Variants in L3MBTL4 observed in about 807,000 individuals in gnomAD.
The protein encoded by L3MBTL4 is lethal(3)malignant brain tumor-like protein 4.
Under a neutral mutation model 84.5 loss-of-function variants are expected in L3MBTL4, and 70 were observed. The observed-to-expected ratio is 0.83, with a 90% CI of 0.68 to 1.01. L3MBTL4 has a LOEUF of 1.01. Ranked by LOEUF, L3MBTL4 falls within the 50% of genes least tolerant of loss-of-function variation. The pLI is 0.00. For synonymous variants in L3MBTL4, 274 were observed against 259.8 expected (o/e 1.05, Z -0.52); for missense variants, 715 against 754.8 (o/e 0.95, Z 0.62).
intron 1 of L3MBTL4, among the ~76,000 whole-genome samples, chr18:6,347,352 A>G (rs1282655992): frequency 6.6e-6 from 1 of 151,962 alleles, no homozygotes; most frequent in East Asian, 1.9e-4. Flanking sequence ...ACCCCCAAAA[A>G]AGAAGAAAAA....
At chr18:6,344,750 T>C (rs28879212) in intron 1 of L3MBTL4, among the ~76,000 whole-genome samples, 2,338 of 152,232 alleles carry the variant, frequency 0.015, 58 homozygotes, top group African/African-American at 0.053. Flanking sequence ...ATAAATGTCA[T>C]ATGCTACATT....
chr18:6,306,731 C>G (rs1451337629), intron 3 of L3MBTL4, among the ~76,000 whole-genome samples: 1 of 152,192 alleles, frequency 6.6e-6, no homozygotes, highest in East Asian at 1.9e-4. Context: ...CCCAGTCACC[C>G]TGCAATCTAA....
At chr18:6,295,143 G>A (rs937175404) in intron 4 of L3MBTL4, among the ~76,000 whole-genome samples, 6 of 151,784 alleles carry the variant, frequency 4.0e-5, no homozygotes, top group African/African-American at 1.5e-4. Context: ...ATGGTGGCGG[G>A]CACCTGTAAT....
At chr18:6,329,899 A>C (rs987981163) in intron 1 of L3MBTL4, among the ~76,000 whole-genome samples, 5 of 152,208 alleles carry the variant, frequency 3.3e-5, no homozygotes, top group African/African-American at 1.2e-4. Flanking sequence ...GGGGACAAAC[A>C]TTCAAATCAT....
chr18:6,001,396 C>T (rs1207071995), intron 16 of L3MBTL4, among the ~76,000 whole-genome samples: 1 of 152,252 alleles, frequency 6.6e-6, no homozygotes, highest in Admixed American at 6.5e-5. Context: ...TCAGAAATGA[C>T]CTGAGAAGAC....
intron 1 of L3MBTL4, among the ~76,000 whole-genome samples, chr18:6,404,730 A>G (rs1451847147): frequency 6.7e-6 from 1 of 148,274 alleles, no homozygotes; most frequent in African/African-American, 2.5e-5. Flanking sequence ...TCTGTCACCT[A>G]GGCTGGAGTG....
intron 4 of L3MBTL4, among the ~76,000 whole-genome samples, chr18:6,290,014 G>A (rs576400217): frequency 2.6e-5 from 4 of 152,070 alleles, no homozygotes; most frequent in Admixed American, 2.6e-4. Context: ...TCAACCTCTT[G>A]AGCTCAAGGA....
chr18:6,365,270 AAGAG>A (rs948400526), intron 1 of L3MBTL4, among the ~76,000 whole-genome samples: 33 of 152,202 alleles, frequency 2.2e-4, no homozygotes, highest in African/African-American at 7.5e-4. Flanking sequence ...CAGGCAAAAA[AAGAG>A]AGGAAGAGAA....
intron 12 of L3MBTL4, among the ~76,000 whole-genome samples, chr18:6,173,540 G>C (rs1279520036): frequency 1.3e-5 from 2 of 152,146 alleles, no homozygotes; most frequent in Non-Finnish European, 2.9e-5. Context: ...AGCACTTTGG[G>C]AGGCCAAGGA....
chr18:6,078,726 T>C (rs946461383), intron 16 of L3MBTL4, among the ~76,000 whole-genome samples: 3 of 152,158 alleles, frequency 2.0e-5, no homozygotes, highest in African/African-American at 2.4e-5. Flanking sequence ...GGGGGGATGG[T>C]TTCAGGATGA....
chr18:6,239,697 A>C lies in L3MBTL4; in HGVS notation c.707+21T>G, dbSNP rs372649115. 1.9e-6 allele frequency: 3 copies of C among 1,607,944 alleles called. No homozygotes were observed. The African/African-American group carries it at 4.0e-5, about 21-fold the overall frequency. On this transcript the variant is annotated intron_variant, in intron 9 of 18. Transcript: ENST00000317931. ...TCAAACATATGAATACACAAAAATA[A>C]AACACACATTCATATCTCACCAGTA...
At chr18:6,302,964 C>A (rs906874502) in intron 3 of L3MBTL4, among the ~76,000 whole-genome samples, 2 of 151,764 alleles carry the variant, frequency 1.3e-5, no homozygotes, top group Non-Finnish European at 2.9e-5. Context: ...GCACTCCTGG[C>A]TGGGTGGCAG....
At chr18:6,078,231 AG>A (rs1425661654) in intron 16 of L3MBTL4, among the ~76,000 whole-genome samples, 1 of 151,780 alleles carries the variant, frequency 6.6e-6, no homozygotes, top group South Asian at 2.1e-4. Context: ...GTTCAAAAAC[AG>A]CCTGGGCAAC....
rs1037367077 is a variant in L3MBTL4, at chr18:6,294,546, C to T, written c.127+7357G>A. On this transcript the variant is annotated intron_variant, in intron 4 of 18. Coordinates refer to ENST00000317931, the MANE Select transcript of L3MBTL4 (RefSeq NM_001330559.2). ...CCTCTGGCTTTAGGAAGAGAATGAGCAAAACCCACAGGAAGGAAGATGGGG... is the reference window on the plus strand; with the variant it reads ...CCTCTGGCTTTAGGAAGAGAATGAGTAAAACCCACAGGAAGGAAGATGGGG... 4.6e-5 allele frequency among the ~76,000 whole-genome samples: 7 copies of T among 152,244 alleles called. 1 individual carries two copies. Among genetic ancestry groups the T allele is most frequent in the Admixed American group, 4.6e-4 (7 of 15,290 alleles).
At chr18:6,009,414 G>A (rs2054632661) in intron 16 of L3MBTL4, among the ~76,000 whole-genome samples, 1 of 152,136 alleles carries the variant, frequency 6.6e-6, no homozygotes, top group South Asian at 2.1e-4. Context: ...TTTCCACCAG[G>A]AACTCAAGGC....
chr18:5,956,986 T>G (rs1347139520), intron 18 of L3MBTL4, among the ~76,000 whole-genome samples: 1 of 152,212 alleles, frequency 6.6e-6, no homozygotes, highest in Non-Finnish European at 1.5e-5. Flanking sequence ...TTTGTACAAT[T>G]AAACATGCAT....
intron 10 of L3MBTL4, among the ~76,000 whole-genome samples, chr18:6,222,185 G>T (rs2145895290): frequency 6.6e-6 from 1 of 152,170 alleles, no homozygotes; most frequent in African/African-American, 2.4e-5. Context: ...TATCTTTCTG[G>T]CAAAAGAACA....
chr18:6,211,717 C>T (rs1202309915), intron 12 of L3MBTL4, among the ~76,000 whole-genome samples: 7 of 150,946 alleles, frequency 4.6e-5, no homozygotes, highest in East Asian at 3.9e-4. Flanking sequence ...GGCATGATCT[C>T]GGCTCACTGC....
At chr18:6,128,465 G>A (rs997630015) in intron 14 of L3MBTL4, among the ~76,000 whole-genome samples, 2 of 152,314 alleles carry the variant, frequency 1.3e-5, no homozygotes, top group Non-Finnish European at 2.9e-5. Context: ...TGCCCAGGGA[G>A]GTGCAGTTCT....
Sources: allele counts gnomAD v4.1 joint callset (sites outside exome capture counted in the v4.1 genomes callset), GRCh38; gene constraint gnomAD v4.1.1; transcripts MANE v1.5; gene names NCBI Gene and HGNC (gene_info 2026-07-23, HGNC 2026-07-21).